Variants in AGBL1 observed in about 807,000 individuals in gnomAD.
AGBL1 encodes the protein cytosolic carboxypeptidase 4.
In AGBL1, 130 loss-of-function variants were observed where a neutral mutation model predicts 118.9. The observed-to-expected ratio is 1.09, with a 90% CI of 0.95 to 1.26. The LOEUF is 1.26. AGBL1 is among the 50% of genes most tolerant of loss of function. AGBL1 has a pLI of 0.00. For missense variants in AGBL1, 1,584 were observed against 1,298.1 expected (o/e 1.22, Z -3.38); for synonymous variants, 555 against 478.9 (o/e 1.16, Z -2.08).
chr15:86,554,768 C>T (rs1036426536), intron 21 of AGBL1, among the ~76,000 whole-genome samples: 1 of 152,144 alleles, frequency 6.6e-6, no homozygotes, highest in African/African-American at 2.4e-5. Context: ...CAATCAGCTG[C>T]CCTCACTAGC....
intron 22 of AGBL1, among the ~76,000 whole-genome samples, chr15:86,886,941 T>C (rs1384003590): frequency 6.6e-6 from 1 of 152,024 alleles, no homozygotes; most frequent in Non-Finnish European, 1.5e-5. Context: ...TAATACCAAG[T>C]CTCCAAAACA....
At chr15:86,641,330 C>A in intron 21 of AGBL1, among the ~76,000 whole-genome samples, 1 of 151,716 alleles carries the variant, frequency 6.6e-6, no homozygotes. Flanking sequence ...AAACAATATA[C>A]AAATAACGTA....
chr15:86,815,465 A>AGACC (rs1339818476), intron 22 of AGBL1, among the ~76,000 whole-genome samples: 2 of 152,176 alleles, frequency 1.3e-5, no homozygotes, highest in East Asian at 3.9e-4. Flanking sequence ...GAGATTAAAG[A>AGACC]GACCAATCAT....
intron 1 of AGBL1, chr15:86,086,434 A>G (rs1895659127): frequency 6.6e-6 from 1 of 152,212 alleles, no homozygotes; most frequent in Non-Finnish European, 1.5e-5. Context: ...CAAATACTGC[A>G]TGGTTCCTTC....
chr15:86,200,896 G>A (rs908588954), intron 5 of AGBL1, among the ~76,000 whole-genome samples: 5 of 152,056 alleles, frequency 3.3e-5, no homozygotes, highest in Admixed American at 2.6e-4. Flanking sequence ...GATTACAGGT[G>A]TGAGCCACTG....
At chr15:86,189,923 T>G (rs2141824586) in intron 5 of AGBL1, among the ~76,000 whole-genome samples, 1 of 152,322 alleles carries the variant, frequency 6.6e-6, no homozygotes, top group African/African-American at 2.4e-5. Context: ...TAACATAGGC[T>G]CAATGAGAGC....
intron 24 of AGBL1, among the ~76,000 whole-genome samples, chr15:87,024,931 C>G (rs151215344): frequency 2.0e-4 from 31 of 152,048 alleles, no homozygotes; most frequent in Admixed American, 7.9e-4. Context: ...ATCCAGCATC[C>G]CTTTATGATT....
chr15:86,434,538 G>A (rs1424645400), intron 18 of AGBL1, among the ~76,000 whole-genome samples: 1 of 152,202 alleles, frequency 6.6e-6, no homozygotes, highest in Non-Finnish European at 1.5e-5. Context: ...TACATGTTAA[G>A]AGGATCATAA....
At position 86,776,988 on chromosome 15, in the gene AGBL1, T is replaced by C. The variant is rs867000269; in HGVS notation, c.3158+102552T>C. 3.3e-5 allele frequency among the ~76,000 whole-genome samples: 5 copies of C among 152,182 alleles called. No individual in the cohort carries two copies. In the South Asian group the frequency reaches 1.0e-3, roughly 32 times the overall value. ...CTAACCAAACACAATAAGGTTTTTT[T>C]TCTTCTATACATTTTTCTAAACATT... On this transcript the variant is annotated intron_variant, in intron 22 of 22. Coordinates refer to ENST00000614907, the MANE Select transcript of AGBL1 (RefSeq NM_001386094.1).
chr15:86,467,030 C>T (rs956543634), intron 18 of AGBL1, among the ~76,000 whole-genome samples: 8 of 152,250 alleles, frequency 5.3e-5, no homozygotes, highest in Non-Finnish European at 1.0e-4. Context: ...CTCTTCAGAA[C>T]CCGCGTGCAG....
intron 17 of AGBL1, among the ~76,000 whole-genome samples, chr15:86,362,553 GC>G (rs1340948796): frequency 1.3e-5 from 2 of 152,180 alleles, no homozygotes; most frequent in Non-Finnish European, 2.9e-5. Context: ...ACAGGGATAG[GC>G]ATGTTTCCTG....
intron 5 of AGBL1, among the ~76,000 whole-genome samples, chr15:86,208,291 T>G (rs992007884): frequency 6.6e-6 from 1 of 152,190 alleles, no homozygotes. Context: ...CTTTTTTTGT[T>G]GTGTCTCTGC....
chr15:86,821,324 A>G (rs1040981789), intron 22 of AGBL1, among the ~76,000 whole-genome samples: 1 of 152,220 alleles, frequency 6.6e-6, no homozygotes, highest in Non-Finnish European at 1.5e-5. Context: ...CTTAAAGTAT[A>G]ATAATAAATA....
chr15:86,437,196 A>C (rs2082010186), intron 18 of AGBL1, among the ~76,000 whole-genome samples: 1 of 152,184 alleles, frequency 6.6e-6, no homozygotes, highest in African/African-American at 2.4e-5. Flanking sequence ...AAAGACTGAG[A>C]ATAAATATTG....
rs1393746314 is a variant in AGBL1, at chr15:86,613,022, T to C, written c.2994+58485T>C. 2.6e-5 allele frequency among the ~76,000 whole-genome samples: 4 copies of C among 151,924 alleles called. No homozygotes were observed. Among genetic ancestry groups the C allele is most frequent in the African/African-American group, 7.3e-5 (3 of 41,156 alleles). The stretch of plus-strand genomic sequence containing the variant: ...TGTATACCTTACATATAATGATTCA[T>C]GTCTTTGTCTGTAACTTTTGTCTCC... On this transcript the variant is annotated intron_variant, in intron 21 of 22. Transcript: ENST00000614907. The surrounding 1 kb of genome is among the most constrained non-coding windows in gnomAD (Gnocchi z 4.2).
intron 22 of AGBL1, among the ~76,000 whole-genome samples, chr15:86,846,050 A>G (rs1567204018): frequency 6.6e-6 from 1 of 152,152 alleles, no homozygotes; most frequent in South Asian, 2.1e-4. Context: ...TCTCTTTTCT[A>G]TTTAGCCAGC....
At chr15:86,318,968 A>G (rs2080063273) in intron 17 of AGBL1, among the ~76,000 whole-genome samples, 1 of 152,174 alleles carries the variant, frequency 6.6e-6, no homozygotes, top group Non-Finnish European at 1.5e-5. Context: ...TTCCCCGTAC[A>G]GTCTTGCTAC....
intron 18 of AGBL1, among the ~76,000 whole-genome samples, chr15:86,419,271 C>T (rs1025032538): frequency 6.6e-6 from 1 of 151,974 alleles, no homozygotes; most frequent in African/African-American, 2.4e-5. Flanking sequence ...AGCTCATCTT[C>T]ATCTCATTGG....
At chr15:86,575,821 T>C (rs182377734) in intron 21 of AGBL1, among the ~76,000 whole-genome samples, 5 of 152,102 alleles carry the variant, frequency 3.3e-5, no homozygotes, top group African/African-American at 1.2e-4. Flanking sequence ...GATCTCAAAC[T>C]CTTCAGCTCA....
Sources: allele counts gnomAD v4.1 joint callset (sites outside exome capture counted in the v4.1 genomes callset), GRCh38; gene constraint gnomAD v4.1.1; non-coding constraint Gnocchi (gnomAD v3.1); transcripts MANE v1.5; gene names NCBI Gene and HGNC (gene_info 2026-07-23, HGNC 2026-07-21).